The following STX7 variants were observed in gnomAD, a reference collection of about 807,000 sequenced individuals.
STX7 encodes syntaxin 7.
A neutral mutation model predicts 39.6 loss-of-function variants in STX7; 34 were observed. The ratio of observed to expected loss-of-function variants is 0.86; its 90% CI spans 0.65 to 1.14. The LOEUF is 1.14. STX7 is among the 50% of genes most tolerant of loss of function. The probability of loss-of-function intolerance (pLI) is 0.00; values close to 1 mark genes in which losing one functional copy is unlikely to be tolerated. For synonymous variants in STX7, 119 were observed against 99.1 expected (o/e 1.20, Z -1.19); for missense variants, 284 against 310.4 (o/e 0.92, Z 0.64).
In STX7 at chr6:132,490,570, G is replaced by A. The variant is rs144558209; in HGVS notation, c.85+12876C>T. ...TAAATATGACCAAATTCTCAAAAACGTGTACATACGGCCAAAAGCAACAGA... is the reference window on the plus strand; with the variant it reads ...TAAATATGACCAAATTCTCAAAAACATGTACATACGGCCAAAAGCAACAGA... On this transcript the variant is annotated intron_variant, in intron 2 of 9. Transcript: ENST00000367941. Among the ~76,000 whole-genome samples the A allele has an allele frequency of 8.3e-4, 127 of 152,240 alleles. 5 individuals carry two copies. The East Asian group carries it at 0.019, about 23-fold the overall frequency.
rs1163433645 is a variant in STX7, at chr6:132,450,317, ATAAAT to A, written c.*10436_*10440del. On this transcript the variant is annotated 3_prime_UTR_variant, in exon 10 of 10. Transcript: ENST00000367941. ...GATTTTGGTAATTTGCATTTTTCAT[ATAAAT>A]TATTCATTTTCTGTTTTGTGATATA... The A allele has an allele frequency of 9.2e-5, 14 of 152,304 alleles. 1 individual carries two copies. Among genetic ancestry groups the A allele is most frequent in the African/African-American group, 3.1e-4 (13 of 41,564 alleles). The allele number at this position is 152,304 out of a possible 1,614,324, so 9.4% of individuals were successfully genotyped here.
intron 2 of STX7, among the ~76,000 whole-genome samples, chr6:132,486,122 A>G (rs1458865786): frequency 1.3e-5 from 2 of 152,160 alleles, no homozygotes; most frequent in Non-Finnish European, 2.9e-5. Flanking sequence ...ATTCCATCAG[A>G]TTTTCTACAT....
intron 2 of STX7, among the ~76,000 whole-genome samples, chr6:132,476,320 GA>G (rs1184271010): frequency 6.6e-6 from 1 of 152,106 alleles, no homozygotes; most frequent in East Asian, 1.9e-4. Context: ...GCCACAATAT[GA>G]TCTGAGGATT....
In STX7 at chr6:132,447,318, G is replaced by GCA. The variant is rs1211878198; in HGVS notation, c.*13439_*13440insTG. On this transcript the variant is annotated 3_prime_UTR_variant, in exon 10 of 10. Transcript: ENST00000367941. ...AAACAGTTGACTTTATGTAGATTATGGTTAATATCTTTTGCAGATTTTCTA... is the reference window on the plus strand; with the variant it reads ...AAACAGTTGACTTTATGTAGATTATGCAGTTAATATCTTTTGCAGATTTTCTA... The GCA allele has an allele frequency of 6.6e-6, 1 of 152,196 alleles. No homozygotes were observed. The highest frequency in any genetic ancestry group is 1.9e-4 in the East Asian group (1 of 5,184). 9.4% of individuals were successfully genotyped at this position (152,196 alleles called of 1,614,324 possible). A position where few individuals can be genotyped will look rare whatever the true frequency, so the allele number is the denominator to read the frequency against.
At chr6:132,490,849 T>G (rs551293213) in intron 2 of STX7, among the ~76,000 whole-genome samples, 1 of 152,214 alleles carries the variant, frequency 6.6e-6, no homozygotes, top group African/African-American at 2.4e-5. Flanking sequence ...GAAAGAGGTG[T>G]CTGTGCATCT....
At chr6:132,493,100 A>G in intron 2 of STX7, among the ~76,000 whole-genome samples, 1 of 152,206 alleles carries the variant, frequency 6.6e-6, no homozygotes, top group East Asian at 1.9e-4. Context: ...ATAAAAGGCA[A>G]ACTATCTTAA....
intron 2 of STX7, among the ~76,000 whole-genome samples, chr6:132,498,625 C>T (rs986506317): frequency 1.2e-4 from 18 of 152,142 alleles, no homozygotes; most frequent in African/African-American, 4.3e-4. Context: ...ATTGTACTGA[C>T]ACAATTTCAA....
Position 132,474,038 on chromosome 6 carries a change from C to T in STX7, c.155+1555G>A, listed in dbSNP as rs187137008. 3.6e-3 allele frequency among the ~76,000 whole-genome samples: 552 copies of T among 151,436 alleles called. 8 individuals are homozygous for T. The highest frequency in any genetic ancestry group is 1.6e-3 in the Non-Finnish European group (107 of 67,814). On this transcript the variant is annotated intron_variant, in intron 3 of 9. Transcript: ENST00000367941. ...TGAGCCCAGAATTGAAGACCAGTGC[C>T]GGCAACATGGCAAAACACCATCTCT...
intron 2 of STX7, among the ~76,000 whole-genome samples, chr6:132,488,776 T>C (rs1465004517): frequency 6.6e-6 from 1 of 152,162 alleles, no homozygotes; most frequent in African/African-American, 2.4e-5. Flanking sequence ...CAGTTGCATA[T>C]AAGTGACATA....
At chr6:132,471,202 T>A (rs1582652559) in intron 5 of STX7, among the ~76,000 whole-genome samples, 2 of 152,218 alleles carry the variant, frequency 1.3e-5, no homozygotes, top group African/African-American at 4.8e-5. Flanking sequence ...TGATCCCTAA[T>A]CTTTTTTGAC....
chr6:132,463,058 C>A (rs1420754746), intron 9 of STX7, among the ~76,000 whole-genome samples: 8 of 151,852 alleles, frequency 5.3e-5, no homozygotes, highest in Non-Finnish European at 1.0e-4. Flanking sequence ...TCTATCTCTA[C>A]AAAAAATACA....
intron 3 of STX7, among the ~76,000 whole-genome samples, chr6:132,474,687 T>G (rs1029327712): frequency 2.0e-5 from 3 of 152,184 alleles, no homozygotes; most frequent in African/African-American, 7.2e-5. Context: ...TGGAAACAGT[T>G]CTTTTGGTCT....
rs757770047 is a variant in STX7 at position 132,455,285 on chromosome 6, G to T, written c.*5473C>A. ...ACAACTGATCAAAAAACTTTCAGAG[G>T]GCATTAAAAAGTGAAACTAGGTATC... On this transcript the variant is annotated 3_prime_UTR_variant, in exon 10 of 10. Transcript: ENST00000367941. 3 of 152,036 alleles carry T rather than the reference G, an allele frequency of 2.0e-5. No homozygotes were observed. The highest frequency in any genetic ancestry group is 4.4e-5 in the Non-Finnish European group (3 of 68,008). The allele number at this position is 152,036 out of a possible 1,614,324, so 9.4% of individuals were successfully genotyped here. A position where few individuals can be genotyped will look rare whatever the true frequency, so the allele number is the denominator to read the frequency against.
Position 132,469,987 on chromosome 6 carries a change from A to G in STX7, c.501T>C (p.Leu167=), listed in dbSNP as rs779956000. Residue 167 remains leucine, a synonymous_variant, in exon 7 of 10, where the codon CTT becomes CTC. Transcript: ENST00000367941. ...DEEITEDDLR[L]IHERESSIRQ... is the part of the protein sequence containing the mutation. Reference sequence around the variant, plus strand: ...TGATAGAAGATTCTCTCTCATGAATAAGACGGAGGTCATCCTCTGTAATTT... The same window carrying G: ...TGATAGAAGATTCTCTCTCATGAATGAGACGGAGGTCATCCTCTGTAATTT... 1.9e-6 allele frequency: 3 copies of G among 1,601,022 alleles called. No homozygotes were observed. The highest frequency in any genetic ancestry group is 1.7e-4 in the Middle Eastern group (1 of 6,034).
intron 2 of STX7, among the ~76,000 whole-genome samples, chr6:132,479,835 C>G (rs747660513): frequency 2.0e-5 from 3 of 152,166 alleles, no homozygotes; most frequent in Non-Finnish European, 4.4e-5. Context: ...CATCCATACG[C>G]TCTACAGAGA....
intron 2 of STX7, among the ~76,000 whole-genome samples, chr6:132,491,525 C>T (rs996181354): frequency 1.2e-4 from 18 of 152,202 alleles, no homozygotes; most frequent in African/African-American, 3.6e-4. Flanking sequence ...GCCCCTCACT[C>T]TTCATTGGTT....
chr6:132,468,258 C>T (rs1217683890), intron 8 of STX7, 145 bp downstream of exon 8: 4 of 657,260 alleles, frequency 6.1e-6, no homozygotes, highest in Non-Finnish European at 1.1e-5. Context: ...AAGGGTGATG[C>T]TTACTGTGTT....
chr6:132,468,330 T>C, intron 8 of STX7, 73 bp downstream of exon 8: 1 of 1,185,628 alleles, frequency 8.4e-7, no homozygotes, highest in Non-Finnish European at 1.2e-6. Context: ...GTTACTCTTC[T>C]GTGAGAAAGT....
intron 1 of STX7, among the ~76,000 whole-genome samples, chr6:132,505,844 C>T (rs1410243768): frequency 1.4e-5 from 2 of 145,990 alleles, no homozygotes; most frequent in African/African-American, 5.0e-5. Flanking sequence ...TCAAATTATA[C>T]TAAAAGGGTA....
Sources: allele counts gnomAD v4.1 joint callset (sites outside exome capture counted in the v4.1 genomes callset), GRCh38; gene constraint gnomAD v4.1.1; transcripts MANE v1.5; gene names NCBI Gene and HGNC (gene_info 2026-07-23, HGNC 2026-07-21).